Variants in MYOF observed in about 807,000 individuals in gnomAD.
The protein encoded by MYOF is fer-1-like 3, myoferlin.
In MYOF, 244 loss-of-function variants were observed where a neutral mutation model predicts 284.2. The observed-to-expected ratio is 0.86, with a 90% confidence interval of 0.77 to 0.95. The LOEUF (loss-of-function observed/expected upper bound fraction) is 0.95, where lower values mean the gene tolerates loss of function less well. Ranked by LOEUF, MYOF falls within the 40% of genes least tolerant of loss-of-function variation. The probability of loss-of-function intolerance (pLI) is 0.00; values close to 1 mark genes in which losing one functional copy is unlikely to be tolerated. For synonymous variants in MYOF, 904 were observed against 919.7 expected (o/e 0.98, Z 0.31); for missense variants, 2,496 against 2,560.6 (o/e 0.97, Z 0.54).
rs979316146 is a variant in MYOF, at chr10:93,347,737, C to A, written c.4129G>T (p.Val1377Phe). 3.1e-6 allele frequency: 5 copies of A among 1,613,946 alleles called. No homozygotes were observed. In the Admixed American group the frequency reaches 8.3e-5, roughly 27 times the overall value. ...ELYMPPLVIKVIDHRQFGRKP... is the reference protein window; with the variant it reads ...ELYMPPLVIKFIDHRQFGRKP... Reference sequence around the variant, plus strand: ...CGCCCAAACTGCCTGTGGTCGATGACCTTGATCACCAGTGGGGGCATGTAC... The same window carrying A: ...CGCCCAAACTGCCTGTGGTCGATGAACTTGATCACCAGTGGGGGCATGTAC... Residue 1377 changes from valine (V) to phenylalanine (F), a missense_variant, in exon 37 of 54, where the codon GTC becomes TTC. By Grantham distance (50) the Val-to-Phe change is conservative. Around this residue, in one of 3 missense-constraint regions of MYOF, gnomAD observed 2,436 missense variants for 2,480.7 expected, o/e 0.98. Transcript: ENST00000359263.
intron 3 of MYOF, among the ~76,000 whole-genome samples, chr10:93,447,734 C>A (rs1323883934): frequency 6.6e-6 from 1 of 152,164 alleles, no homozygotes; most frequent in Non-Finnish European, 1.5e-5. Flanking sequence ...TTACAACAAA[C>A]TCTATCTCTA....
intron 22 of MYOF, 91 bp downstream of exon 22, chr10:93,377,232 A>G: frequency 2.1e-6 from 2 of 949,586 alleles, no homozygotes; most frequent in Non-Finnish European, 1.6e-6. Context: ...TTAGACAAAC[A>G]CTAGAAACAA....
intron 41 of MYOF, among the ~76,000 whole-genome samples, chr10:93,335,257 TC>T (rs1262542072): frequency 1.3e-5 from 2 of 151,960 alleles, no homozygotes; most frequent in South Asian, 2.1e-4. Context: ...ACAAGGTGTG[TC>T]CGGGGCTTGG....
At chr10:93,431,339 C>G in intron 4 of MYOF, 69 bp downstream of exon 4, 1 of 1,415,784 alleles carries the variant, frequency 7.1e-7, no homozygotes, top group African/African-American at 1.4e-5. Context: ...GGCCTTAGAC[C>G]TTTTTCTTAA....
chr10:93,427,919 A>T (rs1435523274), intron 4 of MYOF, among the ~76,000 whole-genome samples: 2 of 152,120 alleles, frequency 1.3e-5, no homozygotes, highest in African/African-American at 2.4e-5. Context: ...TGCTAGGGGA[A>T]ATCGACATTG....
chr10:93,317,793 T>A (rs961627636), intron 49 of MYOF, among the ~76,000 whole-genome samples: 10 of 152,200 alleles, frequency 6.6e-5, no homozygotes, highest in African/African-American at 2.4e-4. Context: ...AGACTAAACA[T>A]CTTTACAGCT....
chr10:93,423,660 T>C (rs757069459), intron 5 of MYOF, among the ~76,000 whole-genome samples: 21 of 149,984 alleles, frequency 1.4e-4, no homozygotes, highest in Non-Finnish European at 2.5e-4. Flanking sequence ...GGTGAAACCC[T>C]GTCTCTTCTA....
intron 48 of MYOF, among the ~76,000 whole-genome samples, 193 bp from the exon 49 acceptor site, chr10:93,320,206 CAAATA>C (rs944689685): frequency 1.3e-5 from 2 of 152,094 alleles, no homozygotes; most frequent in African/African-American, 4.8e-5. Flanking sequence ...AGGTTGTGGC[CAAATA>C]AAATATCATT....
At chr10:93,477,738 T>C (rs2057295121) in intron 1 of MYOF, among the ~76,000 whole-genome samples, 1 of 151,660 alleles carries the variant, frequency 6.6e-6, no homozygotes, top group Admixed American at 6.6e-5. Context: ...TCCCAGCTAC[T>C]TAGGAGGCTG....
chr10:93,451,813 C>T (rs2056598161), intron 3 of MYOF, among the ~76,000 whole-genome samples: 1 of 152,156 alleles, frequency 6.6e-6, no homozygotes, highest in Non-Finnish European at 1.5e-5. Flanking sequence ...GTTTGATAAA[C>T]TAGTCTAGGT....
Position 93,405,760 on chromosome 10 carries a change from T to C in MYOF, c.730-1541A>G, listed in dbSNP as rs184059912. Among the ~76,000 whole-genome samples, 371 of 151,842 alleles carry C rather than the reference T, an allele frequency of 2.4e-3. 1 individual carries two copies. Among genetic ancestry groups the C allele is most frequent in the Middle Eastern group, 6.8e-3 (2 of 294 alleles). ...CTATTATTGGTGATAACAAGTTTAA[T>C]ATTACTTGGTTAAAAAGATATATAC... On this transcript the variant is annotated intron_variant, in intron 7 of 53. Transcript: ENST00000359263.
chr10:93,323,333 A>T lies in MYOF; in HGVS notation c.5297T>A (p.Val1766Asp). 6.2e-7 allele frequency: 1 copy of T among 1,613,154 alleles called. No individual in the cohort carries two copies. Among genetic ancestry groups the T allele is most frequent in the Non-Finnish European group, 8.5e-7 (1 of 1,179,220 alleles). The part of the protein sequence containing the change: ...SQGKLQMWVD[V>D]FPKSLGPPGP... ...TGGTGGCCCCAAACTCTTGGGGAAA[A>T]CATCCACCCACATCTGAAGTTTTCC... The change falls in exon 47 of 54, where the codon GTT becomes GAT. Residue 1766 changes from valine to aspartate, a missense_variant. Transcript: ENST00000359263.
intron 5 of MYOF, among the ~76,000 whole-genome samples, chr10:93,417,486 C>T (rs1337129898): frequency 6.6e-6 from 1 of 152,126 alleles, no homozygotes; most frequent in Non-Finnish European, 1.5e-5. Context: ...CCCTAGAGGA[C>T]CTCGTGATAC....
intron 13 of MYOF, 37 bp from the exon 14 acceptor site, chr10:93,397,493 G>A: frequency 6.6e-7 from 1 of 1,521,736 alleles, no homozygotes; most frequent in Non-Finnish European, 9.0e-7. Flanking sequence ...AGGTTTTCAA[G>A]TTTCTAATTT....
intron 41 of MYOF, 143 bp from the exon 42 acceptor site, chr10:93,334,056 T>C: frequency 1.3e-6 from 1 of 742,012 alleles, no homozygotes; most frequent in Non-Finnish European, 2.1e-6. Flanking sequence ...TATTGCACTT[T>C]GCATATTTCC....
chr10:93,382,811 G>A (rs1043423192), intron 19 of MYOF, among the ~76,000 whole-genome samples: 2 of 152,180 alleles, frequency 1.3e-5, no homozygotes, highest in African/African-American at 2.4e-5. Flanking sequence ...CATGCAATAC[G>A]ATCCGCATCC....
At chr10:93,331,182 C>T (rs963916657) in intron 43 of MYOF, among the ~76,000 whole-genome samples, 1 of 152,152 alleles carries the variant, frequency 6.6e-6, no homozygotes, top group East Asian at 1.9e-4. Context: ...GGATAGGACT[C>T]TGAGTAACGG....
At chr10:93,437,202 T>G (rs919988305) in intron 3 of MYOF, among the ~76,000 whole-genome samples, 1 of 152,144 alleles carries the variant, frequency 6.6e-6, no homozygotes, top group African/African-American at 2.4e-5. Context: ...ATGAAAGAGT[T>G]TAATTGTAAA....
chr10:93,412,512 C>T (rs1847936010), intron 5 of MYOF, among the ~76,000 whole-genome samples: 1 of 152,190 alleles, frequency 6.6e-6, no homozygotes, highest in Admixed American at 6.5e-5. Flanking sequence ...TGTCTTCCAA[C>T]ATGCCCTCCC....
Sources: allele counts gnomAD v4.1 joint callset (sites outside exome capture counted in the v4.1 genomes callset), GRCh38; gene constraint gnomAD v4.1.1; regional missense constraint gnomAD v4.1.1; transcripts MANE v1.5; gene names NCBI Gene and HGNC (gene_info 2026-07-23, HGNC 2026-07-21).